Variants in UNC13A observed in about 807,000 individuals in gnomAD.
UNC13A encodes the protein protein unc-13 homolog A.
Under a neutral mutation model 219.7 loss-of-function variants are expected in UNC13A, and 61 were observed. That is an observed-to-expected ratio of 0.28 (90% CI 0.23 to 0.34). The LOEUF is 0.34. UNC13A is among the 10% of genes least tolerant of loss of function. The probability of loss-of-function intolerance (pLI) is 1.00; values close to 1 mark genes in which losing one functional copy is unlikely to be tolerated. For synonymous variants in UNC13A, 920 were observed against 884.6 expected, an observed-to-expected ratio of 1.04 and a Z score of -0.71; for missense variants, 1,476 against 2,270.3, an observed-to-expected ratio of 0.65 and a Z score of 7.11.
intron 19 of UNC13A, 88 bp from the exon 20 acceptor site, chr19:17,643,048 G>A: frequency 9.4e-7 from 1 of 1,063,070 alleles, no homozygotes; most frequent in South Asian, 1.5e-5. Context: ...TCTTGCTCTT[G>A]TCACCCAGGC....
intron 41 of UNC13A, among the ~76,000 whole-genome samples, chr19:17,613,053 G>A (rs989526727): frequency 6.6e-6 from 1 of 152,026 alleles, no homozygotes; most frequent in Non-Finnish European, 1.5e-5. Flanking sequence ...CCAACATGGC[G>A]AAACCCTGTC....
chr19:17,647,154 A>G, intron 17 of UNC13A, 111 bp downstream of exon 17: 1 of 1,027,270 alleles, frequency 9.7e-7, no homozygotes, highest in Non-Finnish European at 1.4e-6. Flanking sequence ...AATGCACCCG[A>G]CCGAGTGAGT....
intron 3 of UNC13A, 30 bp from the exon 4 acceptor site, chr19:17,672,525 G>A (rs1189905524): frequency 1.3e-6 from 2 of 1,587,982 alleles, no homozygotes; most frequent in African/African-American, 2.7e-5. Flanking sequence ...GGCGTCGAGG[G>A]AGCAGGAGGG....
In UNC13A at chr19:17,649,222, AAC is replaced by A. The variant is rs561666011; in HGVS notation, c.1524+115_1524+116del. The A allele has an allele frequency of 4.3e-4, 644 of 1,495,278 alleles. 9 individuals are homozygous for A. The South Asian group carries it at 7.1e-3, about 17-fold the overall frequency. 92.6% of individuals were successfully genotyped at this position (1,495,278 alleles called of 1,614,324 possible). On this transcript the variant is annotated intron_variant, in intron 14 of 43. Transcript: ENST00000519716. The surrounding 1 kb of genome is among the most constrained non-coding windows in gnomAD (Gnocchi z 4.4). ...CCCGCACCCCTGACTCACAGCATCCAACACAGTGGGACATGGCAAGGTTCCCC... is the reference window on the plus strand; with the variant it reads ...CCCGCACCCCTGACTCACAGCATCCAACAGTGGGACATGGCAAGGTTCCCC...
intron 28 of UNC13A, among the ~76,000 whole-genome samples, chr19:17,632,203 G>A (rs987817021): frequency 2.6e-5 from 4 of 152,184 alleles, no homozygotes; most frequent in Non-Finnish European, 4.4e-5. Flanking sequence ...GAGCCACTGC[G>A]CCCGGCCAAT....
At position 17,674,776 on chromosome 19, in the gene UNC13A, G is replaced by A. The variant is rs369319501; in HGVS notation, c.53-20C>T. The A allele has an allele frequency of 4.4e-6, 7 of 1,599,960 alleles. No individual in the cohort carries two copies. Among genetic ancestry groups the A allele is most frequent in the Non-Finnish European group, 6.0e-6 (7 of 1,167,368 alleles). ...ATTTCTCTGTGGCAGTGAGAGTAGGGGTCAGCGCTGGGGCTCAGGGACTCT... is the reference window on the plus strand; with the variant it reads ...ATTTCTCTGTGGCAGTGAGAGTAGGAGTCAGCGCTGGGGCTCAGGGACTCT... On this transcript the variant is annotated intron_variant, in intron 2 of 43. Coordinates refer to ENST00000519716, the MANE Select transcript of UNC13A (RefSeq NM_001080421.3). This position sits in a 1 kb window ranked among gnomAD's most constrained non-coding sequence, Gnocchi z 5.0.
intron 3 of UNC13A, among the ~76,000 whole-genome samples, 194 bp from the exon 4 acceptor site, chr19:17,672,689 A>G (rs1019200319): frequency 3.9e-5 from 6 of 152,088 alleles, no homozygotes; most frequent in South Asian, 4.1e-4. Context: ...GGAAGTTAAG[A>G]GCTCGGGGTA....
chr19:17,619,037 G>A (rs2076698661), intron 38 of UNC13A, 75 bp from the exon 39 acceptor site: 3 of 1,451,350 alleles, frequency 2.1e-6, no homozygotes, highest in South Asian at 2.3e-5. Context: ...GACCATCTTG[G>A]TTCTTGCCCA....
rs1241063344 is a variant in UNC13A at position 17,630,053 on chromosome 19, T to A, written c.3669+92A>T. ...CTCAATGACATCACCAACTCCAACC[T>A]CAACCTCAACCTTAGCCCATCTCCA... On this transcript the variant is annotated intron_variant, in intron 30 of 43. Coordinates refer to ENST00000519716, the MANE Select transcript of UNC13A (RefSeq NM_001080421.3). 2.9e-6 allele frequency: 4 copies of A among 1,396,504 alleles called. No homozygotes were observed. In the East Asian group the frequency reaches 1.0e-4, roughly 35 times the overall value. The allele number at this position is 1,396,504 out of a possible 1,614,324, so 86.5% of individuals were successfully genotyped here.
chr19:17,683,324 C>G (rs1169373371), intron 1 of UNC13A, among the ~76,000 whole-genome samples: 2 of 151,986 alleles, frequency 1.3e-5, no homozygotes, highest in Non-Finnish European at 2.9e-5. Context: ...CATAAAAATC[C>G]TTAACATCAT....
intron 19 of UNC13A, among the ~76,000 whole-genome samples, chr19:17,645,162 C>T (rs1248724339): frequency 1.3e-5 from 2 of 151,766 alleles, no homozygotes; most frequent in Non-Finnish European, 2.9e-5. Flanking sequence ...GCACCCACCA[C>T]CACGCCTGGC....
chr19:17,621,512 C>A (rs575882727), intron 37 of UNC13A, among the ~76,000 whole-genome samples: 1 of 152,262 alleles, frequency 6.6e-6, no homozygotes, highest in Non-Finnish European at 1.5e-5. Context: ...GGGTGGTGAT[C>A]TAGCGTGTAG....
chr19:17,668,022 C>G (rs967987975), intron 6 of UNC13A, 95 bp downstream of exon 6: 1 of 1,293,718 alleles, frequency 7.7e-7, no homozygotes, highest in Admixed American at 2.0e-5. Flanking sequence ...CAGGGAAAGA[C>G]AAGCTTAGAG....
rs942570790 is a variant in UNC13A at position 17,647,550 on chromosome 19, C to G, written c.1817-58G>C. 3.9e-6 allele frequency: 6 copies of G among 1,529,206 alleles called. No individual in the cohort carries two copies. The African/African-American group carries it at 8.2e-5, about 21-fold the overall frequency. The allele number at this position is 1,529,206 out of a possible 1,614,324, so 94.7% of individuals were successfully genotyped here. A position where few individuals can be genotyped will look rare whatever the true frequency, so the allele number is the denominator to read the frequency against. ...CGCGCCCTGCATAGTGGCCCCTCAC[C>G]AAGGCGAGAGCCCCGCCCCTACTCA... is the stretch of plus-strand genomic sequence containing the variant. On this transcript the variant is annotated intron_variant, in intron 16 of 43. Coordinates refer to ENST00000519716, the MANE Select transcript of UNC13A (RefSeq NM_001080421.3).
At chr19:17,619,945 AT>A (rs1240716669) in intron 38 of UNC13A, among the ~76,000 whole-genome samples, 1 of 152,108 alleles carries the variant, frequency 6.6e-6, no homozygotes, top group East Asian at 1.9e-4. Context: ...GATGAGGAAA[AT>A]TATATCCACT....
intron 7 of UNC13A, among the ~76,000 whole-genome samples, chr19:17,665,832 G>A (rs1478378993): frequency 2.6e-5 from 4 of 152,118 alleles, no homozygotes; most frequent in African/African-American, 4.8e-5. Flanking sequence ...AAGCATCTAC[G>A]AAGTGTTTTT....
At chr19:17,636,648 A>G (rs2076915070) in intron 25 of UNC13A, among the ~76,000 whole-genome samples, 2 of 152,136 alleles carry the variant, frequency 1.3e-5, no homozygotes, top group South Asian at 2.1e-4. Context: ...AAATCAAAAT[A>G]ATGGAAATAA....
intron 43 of UNC13A, among the ~76,000 whole-genome samples, chr19:17,607,547 GA>G (rs1320326270): frequency 6.7e-6 from 1 of 148,352 alleles, no homozygotes; most frequent in Non-Finnish European, 1.5e-5. Flanking sequence ...CAAAGTGTTG[GA>G]ATTACAAGCG....
chr19:17,652,036 A>C (rs190012501), intron 12 of UNC13A, among the ~76,000 whole-genome samples: 2 of 152,232 alleles, frequency 1.3e-5, no homozygotes, highest in Admixed American at 1.3e-4. Flanking sequence ...TCAACGCAAA[A>C]ATTTTGCTCC....
Sources: gnomAD v4.1 joint callset for allele counts (sites outside exome capture counted in the v4.1 genomes callset) on GRCh38, gnomAD v4.1.1 for gene constraint, Gnocchi (gnomAD v3.1) non-coding constraint, MANE v1.5 for transcripts, NCBI Gene and HGNC (gene_info 2026-07-23, HGNC 2026-07-21) for gene names.